Variants in ZNF425 observed in about 807,000 individuals in gnomAD.
The protein encoded by ZNF425 is zinc finger protein 425.
In ZNF425, 21 loss-of-function variants were observed where a neutral mutation model predicts 17.0. The observed-to-expected ratio is 1.23, with a 90% CI of 0.88 to 1.78. The LOEUF (loss-of-function observed/expected upper bound fraction) is 1.78. Among genes scored for constraint, ZNF425 ranks in the 40% most tolerant of loss-of-function variants. The probability of loss-of-function intolerance (pLI) is 0.00; values close to 1 mark genes in which losing one functional copy is unlikely to be tolerated. For missense variants in ZNF425, 868 were observed against 967.3 expected (o/e 0.90, Z 1.36); for synonymous variants, 433 against 384.1 (o/e 1.13, Z -1.49).
intron 2 of ZNF425, among the ~76,000 whole-genome samples, chr7:149,116,900 AT>A (rs978111792): frequency 1.8e-4 from 27 of 152,098 alleles, no homozygotes; most frequent in Middle Eastern, 6.8e-3. Context: ...TAAAATATAA[AT>A]CCCCCAAGCA....
chr7:149,103,495 G>A lies in ZNF425; in HGVS notation c.*117C>T, dbSNP rs1826010167. ...GGCCTCCCAAAGTAATGGGATTACA[G>A]GCGGGAGCCACTGTGCCCGATCTTA... On this transcript the variant is annotated 3_prime_UTR_variant, in exon 4 of 4. Coordinates refer to ENST00000378061, the MANE Select transcript of ZNF425 (RefSeq NM_001001661.3). The A allele has an allele frequency of 7.6e-7, 1 of 1,322,276 alleles. No individual in the cohort carries two copies. Among genetic ancestry groups the A allele is most frequent in the African/African-American group, 1.5e-5 (1 of 67,594 alleles). The allele number at this position is 1,322,276 out of a possible 1,614,324, so 81.9% of individuals were successfully genotyped here. A position where few individuals can be genotyped will look rare whatever the true frequency, so the allele number is the denominator to read the frequency against.
intron 3 of ZNF425, among the ~76,000 whole-genome samples, chr7:149,110,148 T>G (rs910220757): frequency 6.6e-6 from 1 of 151,436 alleles, no homozygotes; most frequent in Non-Finnish European, 1.5e-5. Flanking sequence ...AGTGCTGAGA[T>G]TATAGGCGTG....
chr7:149,104,895 C>A lies in ZNF425; in HGVS notation c.976G>T (p.Gly326Ter). ...ELTEHLRLHS[G>*]EKPFQCPQCD... ...TGCGGACACTGGAAGGGCTTCTCTC[C>A]GCTGTGCAGCCGCAAGTGCTCCGTG... The change falls in exon 4 of 4, where the codon GGA (glycine) becomes TGA (stop). Residue 326 changes from glycine (G) to a stop codon, truncating the protein, a stop_gained. Coordinates refer to ENST00000378061, the MANE Select transcript of ZNF425 (RefSeq NM_001001661.3). LOFTEE classifies it low-confidence loss of function (END_TRUNC). This position sits in a 1 kb window ranked among gnomAD's most constrained non-coding sequence, Gnocchi z 4.3. 6.2e-7 allele frequency: 1 copy of A among 1,613,488 alleles called. No individual in the cohort carries two copies. Among genetic ancestry groups the A allele is most frequent in the Non-Finnish European group, 8.5e-7 (1 of 1,179,878 alleles).
Position 149,118,267 on chromosome 7 carries a change from A to G in ZNF425, c.100T>C (p.Tyr34His), listed in dbSNP as rs772481533. ...EILEKWQKQM[Y>H]KQEMKTNYET... ...TAATTGGTCTTCATCTCTTGCTTAT[A>G]CATTTGCTTCTGCCACTTCTCCAGG... is the stretch of plus-strand genomic sequence containing the variant. The change falls in exon 2 of 4, where the codon TAT becomes CAT. Residue 34 changes from tyrosine (Y) to histidine (H), a missense_variant. Around this residue, in one of 5 missense-constraint regions of ZNF425, gnomAD observed 179 missense variants for 216.3 expected, o/e 0.83. Coordinates refer to ENST00000378061, the MANE Select transcript of ZNF425 (RefSeq NM_001001661.3). The G allele has an allele frequency of 6.8e-6, 11 of 1,614,128 alleles. No individual in the cohort carries two copies. Among genetic ancestry groups the G allele is most frequent in the Non-Finnish European group, 2.5e-6 (3 of 1,180,020 alleles).
intron 1 of ZNF425, chr7:149,125,657 C>A (rs1478856751): frequency 1.2e-5 from 2 of 163,138 alleles, no homozygotes; most frequent in Non-Finnish European, 2.7e-5. Context: ...CACCCGGATT[C>A]TTTCTCCCAA....
chr7:149,108,734 T>C (rs1826122824), intron 3 of ZNF425, among the ~76,000 whole-genome samples: 2 of 151,872 alleles, frequency 1.3e-5, no homozygotes, highest in South Asian at 2.1e-4. Flanking sequence ...TCTACTAATA[T>C]ACAAAAAATT....
chr7:149,107,345 A>ATTTATTTT (rs1554456144), intron 3 of ZNF425, among the ~76,000 whole-genome samples: 2 of 126,120 alleles, frequency 1.6e-5, no homozygotes, highest in African/African-American at 7.5e-5. Flanking sequence ...TTATTTATTT[A>ATTTATTTT]TTTTTTTTCT....
chr7:149,105,055 C>T lies in ZNF425; in HGVS notation c.816G>A (p.Arg272=). 6.2e-7 allele frequency: 1 copy of T among 1,614,238 alleles called. No individual in the cohort carries two copies. Among genetic ancestry groups the T allele is most frequent in the Non-Finnish European group, 8.5e-7 (1 of 1,180,044 alleles). ...VTHQVVHTGQ[R]PYPCPECDKT... ...TGTCGCACTCAGGGCATGGGTAGGG[C>T]CGCTGGCCGGTGTGGACAACCTGAT... The change falls in exon 4 of 4, where the codon CGG becomes CGA. Residue 272 remains arginine, a synonymous_variant. Transcript: ENST00000378061.
At chr7:149,105,858 G>C (rs1179841096) in intron 3 of ZNF425, among the ~76,000 whole-genome samples, 2 of 151,554 alleles carry the variant, frequency 1.3e-5, no homozygotes, top group Non-Finnish European at 2.9e-5. Flanking sequence ...CACCATGTTA[G>C]CCAGGATGAC....
chr7:149,126,296 G>A lies in ZNF425; in HGVS notation c.-83C>T. On this transcript the variant is annotated 5_prime_UTR_variant, in exon 1 of 4. Transcript: ENST00000378061. Reference sequence around the variant, plus strand: ...CCCAACTCCCAGGTACAGCCCTGCTGGCCCCCAAAGGCAGAGCCGGCCGGG... The same window carrying A: ...CCCAACTCCCAGGTACAGCCCTGCTAGCCCCCAAAGGCAGAGCCGGCCGGG... 10 of 1,527,434 alleles carry A rather than the reference G, an allele frequency of 6.5e-6. No homozygotes were observed. Among genetic ancestry groups the A allele is most frequent in the Non-Finnish European group, 7.9e-6 (9 of 1,136,734 alleles). The allele number at this position is 1,527,434 out of a possible 1,614,324, so 94.6% of individuals were successfully genotyped here. A position where few individuals can be genotyped will look rare whatever the true frequency, so the allele number is the denominator to read the frequency against.
chr7:149,111,590 TAAAAAAAAAAA>T (rs60783786), intron 3 of ZNF425, among the ~76,000 whole-genome samples: 65 of 54,388 alleles, frequency 1.2e-3, no homozygotes, highest in Middle Eastern at 0.014. Context: ...AGACTCTGTC[TAAAAAAAAAAA>T]AAAAAAAAAA....
chr7:149,107,999 T>C (rs1040730388), intron 3 of ZNF425, among the ~76,000 whole-genome samples: 1 of 151,992 alleles, frequency 6.6e-6, no homozygotes, highest in Admixed American at 6.6e-5. Context: ...TACCTCCAAG[T>C]AGCTGGGACT....
At chr7:149,118,915 T>C (rs563151781) in intron 1 of ZNF425, among the ~76,000 whole-genome samples, 33 of 152,312 alleles carry the variant, frequency 2.2e-4, no homozygotes, top group African/African-American at 6.5e-4. Context: ...AACCAGTTAC[T>C]GCTGTGGAAG....
chr7:149,116,528 T>C (rs1279526413), intron 2 of ZNF425, among the ~76,000 whole-genome samples: 1 of 152,148 alleles, frequency 6.6e-6, no homozygotes, highest in Non-Finnish European at 1.5e-5. Flanking sequence ...TCAGCTGCCA[T>C]GAAATCGCAC....
At position 149,105,352 on chromosome 7, in the gene ZNF425, C is replaced by A. The variant is rs1301521679; in HGVS notation, c.519G>T (p.Lys173Asn). The A allele has an allele frequency of 6.2e-7, 1 of 1,613,740 alleles. No individual in the cohort carries two copies. The highest frequency in any genetic ancestry group is 8.5e-7 in the Non-Finnish European group (1 of 1,179,876). The change falls in exon 4 of 4, where the codon AAG (lysine) becomes AAT (asparagine). Residue 173 changes from lysine to asparagine, a missense_variant. By Grantham distance (94) the Lys-to-Asn change is moderately conservative. Coordinates refer to ENST00000378061, the MANE Select transcript of ZNF425 (RefSeq NM_001001661.3). ...CTAAGCGCCCTGGGGTCTCCCGAGG[C>A]TTATGCCGCAGGTCTTTCTTGTCTG... is the stretch of plus-strand genomic sequence containing the variant. ...YDPDKKDLRH[K>N]PRETPGRLEI...
intron 1 of ZNF425, among the ~76,000 whole-genome samples, chr7:149,123,135 T>A (rs75453161): frequency 0.013 from 1,982 of 152,324 alleles, 37 homozygotes; most frequent in African/African-American, 0.045. Context: ...CATGGACCAT[T>A]AACCTACAAC....
intron 3 of ZNF425, 65 bp from the exon 4 acceptor site, chr7:149,105,631 T>TAA (rs1270194058): frequency 8.8e-7 from 1 of 1,139,644 alleles, no homozygotes; most frequent in African/African-American, 1.6e-5. Flanking sequence ...GTTCAAGGAC[T>TAA]GTCTTTTAAA....
intron 1 of ZNF425, among the ~76,000 whole-genome samples, chr7:149,118,967 G>A (rs908091694): frequency 3.3e-5 from 5 of 152,122 alleles, no homozygotes; most frequent in African/African-American, 4.8e-5. Flanking sequence ...TTTGAAAAAT[G>A]TTTTACTTTG....
intron 2 of ZNF425, among the ~76,000 whole-genome samples, chr7:149,114,427 G>A (rs1826225482): frequency 7.0e-6 from 1 of 143,240 alleles, no homozygotes; most frequent in Admixed American, 7.2e-5. Context: ...CCAGGCTGGA[G>A]TGCAGGGCAC....
Sources: allele counts gnomAD v4.1 joint callset (sites outside exome capture counted in the v4.1 genomes callset), GRCh38; gene constraint gnomAD v4.1.1; regional missense constraint gnomAD v4.1.1; non-coding constraint Gnocchi (gnomAD v3.1); transcripts MANE v1.5; gene names NCBI Gene and HGNC (gene_info 2026-07-23, HGNC 2026-07-21).